The following PDE1C variants were observed in gnomAD, a reference collection of about 807,000 sequenced individuals.
PDE1C encodes the protein dual specificity calcium/calmodulin-dependent 3',5'-cyclic nucleotide phosphodiesterase 1C.
PDE1C carries 62 observed loss-of-function variants against 93.1 expected under a neutral mutation model. The observed-to-expected ratio is 0.67, with a 90% CI of 0.54 to 0.82. PDE1C has a LOEUF of 0.82. Ranked by LOEUF, PDE1C falls within the 40% of genes least tolerant of loss-of-function variation. The probability of loss-of-function intolerance (pLI) is 0.00; values close to 1 mark genes in which losing one functional copy is unlikely to be tolerated. For synonymous variants in PDE1C, 325 were observed against 310.1 expected (o/e 1.05, Z -0.50); for missense variants, 742 against 884.6 (o/e 0.84, Z 2.04).
intron 2 of PDE1C, among the ~76,000 whole-genome samples, chr7:31,929,901 A>G (rs1584028420): frequency 6.6e-6 from 1 of 152,342 alleles, no homozygotes. Context: ...AGCTAGCAGA[A>G]GACAAAAATA....
intron 1 of PDE1C, among the ~76,000 whole-genome samples, chr7:32,230,633 G>T (rs1193677916): frequency 6.6e-6 from 1 of 152,080 alleles, no homozygotes; most frequent in African/African-American, 2.4e-5. Flanking sequence ...GAAATTTTAG[G>T]TGCATTGAAT....
intron 2 of PDE1C, among the ~76,000 whole-genome samples, chr7:31,917,022 C>T (rs1016971729): frequency 1.3e-5 from 2 of 152,064 alleles, no homozygotes; most frequent in African/African-American, 4.8e-5. Flanking sequence ...ATCCTACTAC[C>T]AGGCATGGAC....
chr7:31,973,485 T>G (rs1811241548), intron 2 of PDE1C, among the ~76,000 whole-genome samples: 1 of 152,148 alleles, frequency 6.6e-6, no homozygotes, highest in Non-Finnish European at 1.5e-5. Flanking sequence ...TGATGTTATT[T>G]TTCACTGAGA....
chr7:31,898,240 G>A (rs1799556641), intron 2 of PDE1C, among the ~76,000 whole-genome samples: 1 of 151,690 alleles, frequency 6.6e-6, no homozygotes, highest in Admixed American at 6.6e-5. Context: ...AAGAATCTAT[G>A]GTTATTGTGG....
intron 3 of PDE1C, among the ~76,000 whole-genome samples, chr7:32,167,933 T>C (rs777021633): frequency 2.0e-5 from 3 of 152,206 alleles, no homozygotes; most frequent in Non-Finnish European, 2.9e-5. Flanking sequence ...TTACTTGTAG[T>C]AATTTATGCA....
chr7:32,014,288 A>G (rs1278391507), intron 2 of PDE1C, among the ~76,000 whole-genome samples: 1 of 94,426 alleles, frequency 1.1e-5, no homozygotes, highest in East Asian at 3.0e-4. Flanking sequence ...AAACATTTAA[A>G]AGCTATAACG....
At chr7:32,254,265 C>A (rs993888848) in intron 1 of PDE1C, among the ~76,000 whole-genome samples, 2 of 152,162 alleles carry the variant, frequency 1.3e-5, no homozygotes, top group Non-Finnish European at 2.9e-5. Context: ...TCTGAGGGAG[C>A]TGGAGGTCCT....
At chr7:32,199,675 C>T (rs1445981794) in intron 2 of PDE1C, among the ~76,000 whole-genome samples, 2 of 152,008 alleles carry the variant, frequency 1.3e-5, no homozygotes, top group Non-Finnish European at 2.9e-5. Flanking sequence ...AGGTCTTGTT[C>T]CTTTCTTAGA....
intron 9 of PDE1C, among the ~76,000 whole-genome samples, chr7:31,846,839 T>C (rs1322347600): frequency 6.6e-6 from 1 of 152,172 alleles, no homozygotes; most frequent in African/African-American, 2.4e-5. Flanking sequence ...TGGCTGAGTC[T>C]AGCATATTCC....
chr7:31,811,735 C>T (rs1787577743), intron 15 of PDE1C, among the ~76,000 whole-genome samples: 1 of 152,092 alleles, frequency 6.6e-6, no homozygotes, highest in Non-Finnish European at 1.5e-5. Flanking sequence ...AGATGGTTCC[C>T]TTTGCTGGTT....
At chr7:32,385,732 C>T (rs559864616) in intron 1 of PDE1C, among the ~76,000 whole-genome samples, 11 of 152,164 alleles carry the variant, frequency 7.2e-5, no homozygotes, top group African/African-American at 2.4e-4. Flanking sequence ...GGTACCATGT[C>T]CAGGGGAACC....
At chr7:32,298,868 G>A (rs1470577721) in exon 1 of PDE1C, 4 of 1,377,068 alleles carry the variant, frequency 2.9e-6, no homozygotes, top group East Asian at 3.0e-5. Flanking sequence ...TCTCAGCCCC[G>A]CCGCGCGCTG....
chr7:32,083,916 A>G (rs537152288), intron 3 of PDE1C, among the ~76,000 whole-genome samples: 1 of 152,070 alleles, frequency 6.6e-6, no homozygotes, highest in East Asian at 1.9e-4. Flanking sequence ...TGTAAAGACC[A>G]TCGAGACTAG....
intron 3 of PDE1C, among the ~76,000 whole-genome samples, chr7:32,151,623 AAG>A (rs1801265882): frequency 6.6e-6 from 1 of 152,254 alleles, no homozygotes; most frequent in African/African-American, 2.4e-5. Context: ...TACTAAGTAA[AAG>A]ACACCAGATT....
intron 1 of PDE1C, among the ~76,000 whole-genome samples, chr7:32,281,579 A>G (rs1190029279): frequency 6.6e-6 from 1 of 152,180 alleles, no homozygotes; most frequent in Non-Finnish European, 1.5e-5. Context: ...GACCTTGCCT[A>G]TAACAAAACA....
chr7:32,019,062 A>G (rs1381943521), intron 2 of PDE1C, among the ~76,000 whole-genome samples: 2 of 150,742 alleles, frequency 1.3e-5, no homozygotes, highest in African/African-American at 4.9e-5. Flanking sequence ...AACCAGGCAT[A>G]GTGCTAGGTA....
At chr7:32,336,439 A>G (rs1042760436) in intron 1 of PDE1C, among the ~76,000 whole-genome samples, 2 of 152,190 alleles carry the variant, frequency 1.3e-5, no homozygotes. Context: ...ATAAATGTGT[A>G]AAAAATGGAA....
At chr7:32,056,376 C>CAA (rs1794102374) in intron 1 of PDE1C, among the ~76,000 whole-genome samples, 1 of 149,880 alleles carries the variant, frequency 6.7e-6, no homozygotes, top group African/African-American at 2.5e-5. Context: ...GAAACACACA[C>CAA]ACACACACAC....
intron 1 of PDE1C, among the ~76,000 whole-genome samples, chr7:32,342,555 C>T (rs967903076): frequency 2.6e-5 from 4 of 152,100 alleles, no homozygotes; most frequent in Middle Eastern, 3.4e-3. Context: ...CATAATCTTG[C>T]CTTGCTTTTA....
Sources: gnomAD v4.1 joint callset for allele counts (sites outside exome capture counted in the v4.1 genomes callset) on GRCh38, gnomAD v4.1.1 for gene constraint, MANE v1.5 for transcripts, NCBI Gene and HGNC (gene_info 2026-07-23, HGNC 2026-07-21) for gene names.